BABAM2: variants seen among roughly 807,000 people sequenced by gnomAD.
BABAM2 encodes the protein BRISC and BRCA1-A complex member 2.
A neutral mutation model predicts 54.7 loss-of-function variants in BABAM2; 31 were observed. That is an observed-to-expected ratio of 0.57 (90% CI 0.43 to 0.77). The LOEUF (loss-of-function observed/expected upper bound fraction) is 0.77, where lower values mean the gene tolerates loss of function less well. Ranked by LOEUF, BABAM2 falls within the 30% of genes least tolerant of loss-of-function variation. The pLI, the probability that BABAM2 is intolerant of heterozygous loss-of-function variation, is 0.00. For missense variants in BABAM2, 364 were observed against 455.8 expected (o/e 0.80, Z 1.83); for synonymous variants, 167 against 162.9 (o/e 1.03, Z -0.19).
intron 10 of BABAM2, among the ~76,000 whole-genome samples, chr2:28,278,689 G>A (rs1686080476): frequency 6.6e-6 from 1 of 152,176 alleles, no homozygotes. Context: ...ATGAATCTGT[G>A]ATATGAGGGG....
At chr2:28,290,631 G>A (rs760044418) in intron 10 of BABAM2, among the ~76,000 whole-genome samples, 5 of 152,168 alleles carry the variant, frequency 3.3e-5, no homozygotes, top group Non-Finnish European at 1.5e-5. Context: ...CAGCCCCTGC[G>A]CTTAAGGACT....
At chr2:28,044,288 G>C (rs1218587372) in intron 5 of BABAM2, among the ~76,000 whole-genome samples, 6 of 152,146 alleles carry the variant, frequency 3.9e-5, no homozygotes, top group Admixed American at 2.0e-4. Context: ...GGAGTGCAAT[G>C]GTGCAATATT....
intron 3 of BABAM2, among the ~76,000 whole-genome samples, chr2:27,986,286 A>G (rs907796099): frequency 6.6e-6 from 1 of 152,166 alleles, no homozygotes; most frequent in Non-Finnish European, 1.5e-5. Context: ...AGCTAGTATT[A>G]GGAGATCATT....
chr2:27,929,329 G>A (rs1264128014), intron 2 of BABAM2, among the ~76,000 whole-genome samples: 2 of 152,188 alleles, frequency 1.3e-5, no homozygotes, highest in Non-Finnish European at 2.9e-5. Flanking sequence ...TCCTGCAGAT[G>A]AAAGTTATGG....
At chr2:28,247,412 A>G (rs1573924540) in intron 10 of BABAM2, among the ~76,000 whole-genome samples, 1 of 152,180 alleles carries the variant, frequency 6.6e-6, no homozygotes, top group South Asian at 2.1e-4. Context: ...TTACTTAGTC[A>G]TGCAGTTAAG....
intron 7 of BABAM2, among the ~76,000 whole-genome samples, chr2:28,138,269 C>T (rs548169254): frequency 6.6e-6 from 1 of 152,086 alleles, no homozygotes; most frequent in Non-Finnish European, 1.5e-5. Context: ...TGAGAAAGTC[C>T]GGTGAATCTC....
At chr2:28,003,477 C>G (rs1056543404) in intron 4 of BABAM2, among the ~76,000 whole-genome samples, 9 of 152,128 alleles carry the variant, frequency 5.9e-5, no homozygotes, top group Non-Finnish European at 1.3e-4. Context: ...TGTAATTGCA[C>G]TACTTGGGAG....
At chr2:28,004,233 T>C (rs1673788997) in intron 4 of BABAM2, among the ~76,000 whole-genome samples, 1 of 152,126 alleles carries the variant, frequency 6.6e-6, no homozygotes, top group Non-Finnish European at 1.5e-5. Flanking sequence ...ACACAAGCTT[T>C]GGAGAGCCAA....
intron 7 of BABAM2, among the ~76,000 whole-genome samples, chr2:28,148,609 G>A (rs778572790): frequency 6.6e-6 from 1 of 152,150 alleles, no homozygotes; most frequent in African/African-American, 2.4e-5. Context: ...CCAGGAGCTA[G>A]CAGTGATCTA....
intron 8 of BABAM2, 121 bp downstream of exon 8, chr2:28,237,422 C>G (rs1315638361): frequency 7.7e-6 from 6 of 782,692 alleles, no homozygotes; most frequent in Non-Finnish European, 1.3e-5. Context: ...CAGCCTCCAT[C>G]TGACACCTGC....
intron 3 of BABAM2, among the ~76,000 whole-genome samples, chr2:27,967,439 T>C (rs573138507): frequency 6.6e-6 from 1 of 152,328 alleles, no homozygotes; most frequent in African/African-American, 2.4e-5. Context: ...CAGCCACATG[T>C]CACTGTGAGT....
upstream of BABAM2, among the ~76,000 whole-genome samples, chr2:27,889,003 G>A (rs1478633786): frequency 6.6e-6 from 1 of 152,180 alleles, no homozygotes; most frequent in Non-Finnish European, 1.5e-5. Context: ...TCTAATATTT[G>A]TGGAAAAATA....
intron 4 of BABAM2, among the ~76,000 whole-genome samples, chr2:28,002,736 A>C (rs1673664002): frequency 6.6e-6 from 1 of 152,210 alleles, no homozygotes; most frequent in Non-Finnish European, 1.5e-5. Flanking sequence ...TTAATGAAAG[A>C]GAGAATACAG....
chr2:28,234,900 T>A (rs1681756645), intron 7 of BABAM2, among the ~76,000 whole-genome samples: 1 of 152,224 alleles, frequency 6.6e-6, no homozygotes, highest in South Asian at 2.1e-4. Flanking sequence ...ATCTTTAGAG[T>A]TTAGGCTAAA....
intron 2 of BABAM2, among the ~76,000 whole-genome samples, chr2:27,897,538 C>CAGT (rs1665432400): frequency 6.8e-6 from 1 of 146,270 alleles, no homozygotes; most frequent in African/African-American, 2.5e-5. Flanking sequence ...ACAGTTTTAA[C>CAGT]TTTTTTTTTT....
intron 7 of BABAM2, among the ~76,000 whole-genome samples, chr2:28,139,031 C>T (rs1670788398): frequency 6.6e-6 from 1 of 152,172 alleles, no homozygotes; most frequent in Non-Finnish European, 1.5e-5. Context: ...TCACAGCCTG[C>T]TGTGGACCAT....
intron 2 of BABAM2, among the ~76,000 whole-genome samples, chr2:27,904,338 C>T (rs540752832): frequency 6.6e-6 from 1 of 152,294 alleles, no homozygotes; most frequent in East Asian, 1.9e-4. Context: ...AATTTGCATA[C>T]TTCTTGGCCC....
At position 27,982,081 on chromosome 2, in the gene BABAM2, A is replaced by C. The variant is rs145062835; in HGVS notation, c.206-5912A>C. 7.4e-4 allele frequency among the ~76,000 whole-genome samples: 113 copies of C among 152,166 alleles called. 2 individuals carry two copies. The East Asian group carries it at 0.02, about 27-fold the overall frequency. On this transcript the variant is annotated intron_variant, in intron 3 of 11. Coordinates refer to ENST00000379624, the MANE Select transcript of BABAM2 (RefSeq NM_199191.3). The stretch of plus-strand genomic sequence containing the variant: ...GGTAATTAAGAGCTATCTTACTGTG[A>C]TTTTGATTGCACTTCCCTGTTGGCT...
At chr2:28,001,797 T>C (rs978950112) in intron 4 of BABAM2, among the ~76,000 whole-genome samples, 3 of 152,008 alleles carry the variant, frequency 2.0e-5, no homozygotes, top group Non-Finnish European at 4.4e-5. Flanking sequence ...AGATCTCATG[T>C]GAATTCAGAG....
Sources: gnomAD v4.1 joint callset for allele counts (sites outside exome capture counted in the v4.1 genomes callset) on GRCh38, gnomAD v4.1.1 for gene constraint, MANE v1.5 for transcripts, NCBI Gene and HGNC (gene_info 2026-07-23, HGNC 2026-07-21) for gene names.